PTPRD: variants seen among roughly 807,000 people sequenced by gnomAD.
PTPRD encodes receptor-type tyrosine-protein phosphatase delta.
PTPRD carries 34 observed loss-of-function variants against 214.5 expected under a neutral mutation model. That is an observed-to-expected ratio of 0.16 (90% confidence interval 0.12 to 0.21). The LOEUF (loss-of-function observed/expected upper bound fraction) is 0.21. PTPRD is among the 10% of genes least tolerant of loss of function. PTPRD has a pLI of 1.00. For synonymous variants in PTPRD, 1,128 were observed against 845.7 expected, an observed-to-expected ratio of 1.33 and a Z score of -5.79; for missense variants, 2,545 against 2,398.7, an observed-to-expected ratio of 1.06 and a Z score of -1.27.
intron 35 of PTPRD, among the ~76,000 whole-genome samples, chr9:8,406,655 G>A (rs768439570): frequency 1.1e-4 from 17 of 152,280 alleles, no homozygotes; most frequent in Middle Eastern, 3.4e-3. Flanking sequence ...ATGAATAAAT[G>A]TTTTTGAGAA....
chr9:9,786,136 G>C (rs1002350409), intron 5 of PTPRD, among the ~76,000 whole-genome samples: 1 of 151,952 alleles, frequency 6.6e-6, no homozygotes, highest in Non-Finnish European at 1.5e-5. Context: ...AATTTTTCAT[G>C]TCTATTAGAG....
chr9:9,442,805 T>C (rs1297744259), intron 8 of PTPRD, among the ~76,000 whole-genome samples: 1 of 152,152 alleles, frequency 6.6e-6, no homozygotes, highest in Non-Finnish European at 1.5e-5. Flanking sequence ...ATGTTTCTGT[T>C]TAGTGTTTTA....
intron 9 of PTPRD, among the ~76,000 whole-genome samples, chr9:9,243,779 G>C (rs1306277875): frequency 2.0e-5 from 3 of 152,166 alleles, no homozygotes; most frequent in Non-Finnish European, 4.4e-5. Flanking sequence ...AGTGTTGGAA[G>C]TTCTGGCCAG....
At chr9:8,857,006 A>G (rs1300548572) in intron 11 of PTPRD, among the ~76,000 whole-genome samples, 1 of 152,192 alleles carries the variant, frequency 6.6e-6, no homozygotes, top group Non-Finnish European at 1.5e-5. Context: ...ACTCTTCATT[A>G]TAAAAGATGC....
chr9:10,162,764 T>C (rs1483917738), intron 3 of PTPRD, among the ~76,000 whole-genome samples: 2 of 148,026 alleles, frequency 1.4e-5, no homozygotes, highest in Non-Finnish European at 3.0e-5. Flanking sequence ...TATATAAATA[T>C]ATATGGAGCT....
At chr9:8,843,513 G>A (rs566726778) in intron 11 of PTPRD, among the ~76,000 whole-genome samples, 44 of 152,198 alleles carry the variant, frequency 2.9e-4, no homozygotes, top group African/African-American at 9.6e-4. Context: ...GTTCTATGTC[G>A]GTGCTGGTTC....
intron 14 of PTPRD, among the ~76,000 whole-genome samples, chr9:8,545,252 C>A (rs535049402): frequency 9.4e-4 from 143 of 152,198 alleles, no homozygotes; most frequent in Admixed American, 2.6e-3. Context: ...TATATTTTGT[C>A]CTTGACAAAG....
At chr9:10,093,401 C>G (rs2098451897) in intron 3 of PTPRD, among the ~76,000 whole-genome samples, 1 of 151,454 alleles carries the variant, frequency 6.6e-6, no homozygotes, top group Admixed American at 6.6e-5. Context: ...GCGACAGTTT[C>G]TTATACTACC....
At chr9:8,967,426 C>T (rs373845047) in intron 11 of PTPRD, among the ~76,000 whole-genome samples, 28 of 152,046 alleles carry the variant, frequency 1.8e-4, no homozygotes, top group Admixed American at 1.1e-3. Context: ...AGCACAGATG[C>T]CCCATTAACA....
chr9:10,506,208 C>A (rs909477591), intron 2 of PTPRD, among the ~76,000 whole-genome samples: 1 of 151,898 alleles, frequency 6.6e-6, no homozygotes, highest in African/African-American at 2.4e-5. Flanking sequence ...CTTTTTTTAT[C>A]ACTTTTAAAA....
At chr9:10,065,180 A>AAAGAAAGAAAGGAAGG (rs61613760) in intron 3 of PTPRD, among the ~76,000 whole-genome samples, 4 of 150,316 alleles carry the variant, frequency 2.7e-5, no homozygotes, top group East Asian at 2.0e-4. Flanking sequence ...AGAAAGAAAG[A>AAAGAAAGAAAGGAAGG]AAGAAAGAAA....
intron 9 of PTPRD, among the ~76,000 whole-genome samples, chr9:9,236,186 G>A (rs565627533): frequency 4.0e-4 from 61 of 152,210 alleles, no homozygotes; most frequent in African/African-American, 1.4e-3. Context: ...CCAGGAGGTG[G>A]AGGCTGCAGT....
intron 2 of PTPRD, among the ~76,000 whole-genome samples, chr9:10,343,010 G>C (rs1189149186): frequency 6.6e-6 from 1 of 151,992 alleles, no homozygotes; most frequent in Non-Finnish European, 1.5e-5. Flanking sequence ...TAAGTTCTAG[G>C]GTACATGTGC....
chr9:9,891,531 A>T (rs1366432492), intron 5 of PTPRD, among the ~76,000 whole-genome samples: 1 of 152,098 alleles, frequency 6.6e-6, no homozygotes, highest in Non-Finnish European at 1.5e-5. Flanking sequence ...ACTCTTAACA[A>T]CACATATGAG....
intron 9 of PTPRD, among the ~76,000 whole-genome samples, chr9:9,361,589 A>C (rs1375809789): frequency 6.6e-6 from 1 of 151,080 alleles, no homozygotes; most frequent in Admixed American, 6.6e-5. Flanking sequence ...TATAAAGATC[A>C]AATCAGTGTA....
In PTPRD at chr9:8,322,112, G is replaced by A. The variant is rs547097352; in HGVS notation, c.5535-2146C>T. 5.9e-5 allele frequency among the ~76,000 whole-genome samples: 9 copies of A among 152,246 alleles called. No homozygotes were observed. In the East Asian group the frequency reaches 1.2e-3, roughly 20 times the overall value. ...ACAAACACTTAATTGACAAATGTGTGTGTTATGACTGCTTCACCAACCAGC... is the reference window on the plus strand; with the variant it reads ...ACAAACACTTAATTGACAAATGTGTATGTTATGACTGCTTCACCAACCAGC... On this transcript the variant is annotated intron_variant, in intron 44 of 45. Coordinates refer to ENST00000381196, the MANE Select transcript of PTPRD (RefSeq NM_002839.4).
intron 2 of PTPRD, among the ~76,000 whole-genome samples, chr9:10,470,434 A>C (rs1000909892): frequency 5.3e-5 from 8 of 152,118 alleles, no homozygotes; most frequent in African/African-American, 1.9e-4. Flanking sequence ...TCTAAGAAAA[A>C]CAGTCTGATG....
At chr9:10,178,293 T>C (rs927491967) in intron 3 of PTPRD, among the ~76,000 whole-genome samples, 10 of 151,938 alleles carry the variant, frequency 6.6e-5, no homozygotes, top group African/African-American at 2.4e-4. Context: ...GGGATATTGT[T>C]TCTTTCCACC....
At chr9:8,594,028 A>G (rs974014075) in intron 14 of PTPRD, among the ~76,000 whole-genome samples, 1 of 152,200 alleles carries the variant, frequency 6.6e-6, no homozygotes, top group Non-Finnish European at 1.5e-5. Flanking sequence ...GGACTTCTCT[A>G]GATCCCAAGT....
Sources: allele counts gnomAD v4.1 joint callset (sites outside exome capture counted in the v4.1 genomes callset), GRCh38; gene constraint gnomAD v4.1.1; transcripts MANE v1.5; gene names NCBI Gene and HGNC (gene_info 2026-07-23, HGNC 2026-07-21).